Variants in KCNAB1 observed in about 807,000 individuals in gnomAD.
KCNAB1 encodes the protein voltage-gated potassium channel subunit beta-1.
KCNAB1 carries 35 observed loss-of-function variants against 64.6 expected under a neutral mutation model. That is an observed-to-expected ratio of 0.54 (90% CI 0.41 to 0.72). The LOEUF is 0.72. Ranked by LOEUF, KCNAB1 falls within the 30% of genes least tolerant of loss-of-function variation. The pLI is 0.00. For synonymous variants in KCNAB1, 177 were observed against 183.8 expected, an observed-to-expected ratio of 0.96 and a Z score of 0.30; for missense variants, 401 against 512.9, an observed-to-expected ratio of 0.78 and a Z score of 2.11.
At chr3:156,454,102 C>T (rs1712210901) in intron 3 of KCNAB1, among the ~76,000 whole-genome samples, 1 of 152,222 alleles carries the variant, frequency 6.6e-6, no homozygotes. Flanking sequence ...CATCCTAATG[C>T]CTGTTCCCTG....
chr3:156,266,414 A>G (rs999119370), intron 1 of KCNAB1, among the ~76,000 whole-genome samples: 5 of 152,224 alleles, frequency 3.3e-5, no homozygotes, highest in Admixed American at 1.3e-4. Context: ...TCACTATCCC[A>G]GAGGTTGGTT....
chr3:156,423,397 G>A lies in KCNAB1; in HGVS notation c.319+1738G>A, dbSNP rs148039979. On this transcript the variant is annotated intron_variant, in intron 2 of 13. Coordinates refer to ENST00000490337, the MANE Select transcript of KCNAB1 (RefSeq NM_172160.3). ...ACATGGGCTTTGAGGCTAGTAGGGC[G>A]ATTGATGGGGTGGTGGAGGGGGAGG... Among the ~76,000 whole-genome samples, 30 of 152,316 alleles carry A rather than the reference G, an allele frequency of 2.0e-4. No individual in the cohort carries two copies. The East Asian group carries it at 2.7e-3, about 14-fold the overall frequency.
intron 1 of KCNAB1, among the ~76,000 whole-genome samples, chr3:156,269,061 T>C (rs1718884158): frequency 6.6e-6 from 1 of 152,210 alleles, no homozygotes; most frequent in African/African-American, 2.4e-5. Context: ...CGGCCTAATT[T>C]TATTTTTCTG....
At chr3:156,474,951 T>G in intron 8 of KCNAB1, 131 bp downstream of exon 8, 1 of 720,684 alleles carries the variant, frequency 1.4e-6, no homozygotes, top group Non-Finnish European at 2.3e-6. Context: ...TGTTTCTGAC[T>G]GATGCCTTTT....
intron 1 of KCNAB1, among the ~76,000 whole-genome samples, chr3:156,242,466 G>C (rs1264376303): frequency 6.6e-6 from 1 of 151,968 alleles, no homozygotes; most frequent in East Asian, 1.9e-4. Flanking sequence ...CTGTTATTCT[G>C]ATAATGAACT....
chr3:156,344,488 G>A (rs1159154338), intron 1 of KCNAB1, among the ~76,000 whole-genome samples: 1 of 152,212 alleles, frequency 6.6e-6, no homozygotes, highest in African/African-American at 2.4e-5. Flanking sequence ...TCTACAATCT[G>A]CTCAGCGCAC....
chr3:156,513,211 CA>C (rs376183217), intron 8 of KCNAB1, among the ~76,000 whole-genome samples: 7 of 144,738 alleles, frequency 4.8e-5, no homozygotes, highest in Admixed American at 6.9e-5. Context: ...GACTCCATCT[CA>C]AAAAAAAAAC....
At chr3:156,146,718 A>G (rs1715058818) in intron 1 of KCNAB1, among the ~76,000 whole-genome samples, 1 of 152,254 alleles carries the variant, frequency 6.6e-6, no homozygotes, top group Non-Finnish European at 1.5e-5. Flanking sequence ...GGGCACAGCC[A>G]TGTTCCAATG....
intron 2 of KCNAB1, among the ~76,000 whole-genome samples, chr3:156,437,521 T>C (rs1024585279): frequency 3.9e-5 from 6 of 152,210 alleles, no homozygotes; most frequent in African/African-American, 1.2e-4. Flanking sequence ...AATTCCACTC[T>C]GACCCCATCA....
chr3:156,421,731 G>C (rs1559876429), intron 2 of KCNAB1, 72 bp downstream of exon 2: 1 of 1,398,524 alleles, frequency 7.2e-7, no homozygotes, highest in African/African-American at 1.4e-5. Flanking sequence ...GGGAGTGACT[G>C]TGGTCTAGGC....
chr3:156,530,038 G>A (rs962812880), intron 12 of KCNAB1, among the ~76,000 whole-genome samples: 2 of 152,178 alleles, frequency 1.3e-5, no homozygotes, highest in African/African-American at 4.8e-5. Context: ...AGATCAGTAA[G>A]GGAATCTGGA....
At chr3:156,267,133 CT>C in intron 1 of KCNAB1, among the ~76,000 whole-genome samples, 1 of 152,252 alleles carries the variant, frequency 6.6e-6, no homozygotes, top group East Asian at 1.9e-4. Flanking sequence ...TATAGTATAT[CT>C]TTTTTTCTCT....
intron 7 of KCNAB1, among the ~76,000 whole-genome samples, chr3:156,465,956 TA>T (rs1713338008): frequency 6.6e-6 from 1 of 152,200 alleles, no homozygotes; most frequent in African/African-American, 2.4e-5. Flanking sequence ...TAAGACTTTT[TA>T]AAAGAGCTTT....
intron 8 of KCNAB1, among the ~76,000 whole-genome samples, chr3:156,510,962 T>G (rs1428977559): frequency 1.3e-5 from 2 of 152,178 alleles, no homozygotes; most frequent in Non-Finnish European, 2.9e-5. Flanking sequence ...AGACTTTCCT[T>G]ACAAGGCTCA....
At chr3:156,477,520 G>A (rs1175439841) in intron 8 of KCNAB1, among the ~76,000 whole-genome samples, 1 of 152,108 alleles carries the variant, frequency 6.6e-6, no homozygotes, top group African/African-American at 2.4e-5. Flanking sequence ...CAACCTCTGA[G>A]GCTTATTCTT....
chr3:156,525,576 C>T lies in KCNAB1; in HGVS notation c.1081+1629C>T, dbSNP rs529956472. Among the ~76,000 whole-genome samples, 429 of 152,274 alleles carry T rather than the reference C, an allele frequency of 2.8e-3. 1 individual carries two copies. Among genetic ancestry groups the T allele is most frequent in the Non-Finnish European group, 4.8e-3 (325 of 68,024 alleles). ...TGTCGCCCAGGCTGGAGTGCAGTGG[C>T]GCGATCTCGGCTCACTGCAACCTCC... On this transcript the variant is annotated intron_variant, in intron 12 of 13. Coordinates refer to ENST00000490337, the MANE Select transcript of KCNAB1 (RefSeq NM_172160.3).
intron 1 of KCNAB1, among the ~76,000 whole-genome samples, chr3:156,151,166 A>G (rs770283367): frequency 1.3e-5 from 2 of 152,192 alleles, no homozygotes; most frequent in Non-Finnish European, 2.9e-5. Flanking sequence ...AAGCCTGTCA[A>G]TGCTCTCAGA....
intron 1 of KCNAB1, among the ~76,000 whole-genome samples, chr3:156,363,751 C>T (rs1050171771): frequency 1.3e-5 from 2 of 152,184 alleles, no homozygotes; most frequent in African/African-American, 4.8e-5. Flanking sequence ...GCCGGGATTA[C>T]AGGCATGAAC....
At chr3:156,422,292 A>C (rs1272531622) in intron 2 of KCNAB1, among the ~76,000 whole-genome samples, 2 of 152,250 alleles carry the variant, frequency 1.3e-5, no homozygotes, top group East Asian at 3.8e-4. Context: ...AGGCCTCCAG[A>C]CATCCCTTAG....
Sources: gnomAD v4.1 joint callset for allele counts (sites outside exome capture counted in the v4.1 genomes callset) on GRCh38, gnomAD v4.1.1 for gene constraint, MANE v1.5 for transcripts, NCBI Gene and HGNC (gene_info 2026-07-23, HGNC 2026-07-21) for gene names.